Variants in RPS6KA2 observed in about 807,000 individuals in gnomAD.
RPS6KA2 encodes the protein ribosomal protein S6 kinase A2, also known as ribosomal protein S6 kinase alpha-2.
RPS6KA2 carries 42 observed loss-of-function variants against 91.8 expected under a neutral mutation model. That is an observed-to-expected ratio of 0.46 (90% CI 0.36 to 0.59). RPS6KA2 has a LOEUF of 0.59. Among genes scored for constraint, RPS6KA2 ranks in the 20% least tolerant of loss-of-function variants. The probability of loss-of-function intolerance (pLI) is 0.00; values close to 1 mark genes in which losing one functional copy is unlikely to be tolerated. For missense variants in RPS6KA2, 798 were observed against 978.5 expected (o/e 0.82, Z 2.46); for synonymous variants, 414 against 393.6 (o/e 1.05, Z -0.61).
At chr6:166,496,711 G>T (rs1781798405) in intron 8 of RPS6KA2, among the ~76,000 whole-genome samples, 2 of 152,228 alleles carry the variant, frequency 1.3e-5, no homozygotes, top group African/African-American at 4.8e-5. Context: ...TGAGCCCAGA[G>T]TTATAGGACA....
chr6:166,790,158 A>G (rs528409887), intron 2 of RPS6KA2, among the ~76,000 whole-genome samples: 37 of 152,344 alleles, frequency 2.4e-4, no homozygotes, highest in African/African-American at 8.9e-4. Flanking sequence ...CAATGCAGAG[A>G]AGTCCTTAAA....
At chr6:166,553,944 TAC>T (rs1784099464) in intron 1 of RPS6KA2, among the ~76,000 whole-genome samples, 3 of 151,960 alleles carry the variant, frequency 2.0e-5, no homozygotes, top group Non-Finnish European at 4.4e-5. Context: ...TGCTGAAAAA[TAC>T]ACAGTTAGGT....
chr6:166,550,994 C>CAAAAAAAAAAAAAAAAAAAAA (rs58796308), intron 1 of RPS6KA2, among the ~76,000 whole-genome samples: 67 of 106,324 alleles, frequency 6.3e-4, no homozygotes, highest in Middle Eastern at 6.8e-3. Flanking sequence ...GACTCTATCT[C>CAAAAAAAAAAAAAAAAAAAAA]AAAAAAAAAA....
At chr6:166,600,054 C>T (rs1785676679) in intron 1 of RPS6KA2, among the ~76,000 whole-genome samples, 2 of 152,314 alleles carry the variant, frequency 1.3e-5, no homozygotes, top group South Asian at 4.1e-4. Context: ...ATAGCTGAGG[C>T]TGGAGTGCAG....
chr6:166,819,055 G>A (rs1329490491), intron 2 of RPS6KA2, among the ~76,000 whole-genome samples: 3 of 152,112 alleles, frequency 2.0e-5, no homozygotes, highest in South Asian at 2.1e-4. Context: ...ACAGAGCTGG[G>A]AATTTCTGGG....
At position 166,532,196 on chromosome 6, in the gene RPS6KA2, C is replaced by G. The variant is rs1042939745; in HGVS notation, c.217-883G>C. Among the ~76,000 whole-genome samples the G allele has an allele frequency of 2.0e-5, 3 of 152,206 alleles. 1 individual carries two copies. The highest frequency in any genetic ancestry group is 7.2e-5 in the African/African-American group (3 of 41,446). On this transcript the variant is annotated intron_variant, in intron 2 of 20. Coordinates refer to ENST00000265678, the MANE Select transcript of RPS6KA2 (RefSeq NM_021135.6). ...CTCAAAAAGCCAGAAAGACCAGCCA[C>G]TATAGATGTTCTAGTTCCATGGAAA...
intron 2 of RPS6KA2, among the ~76,000 whole-genome samples, chr6:166,835,530 T>C (rs1347187856): frequency 1.3e-5 from 2 of 152,264 alleles, no homozygotes; most frequent in Non-Finnish European, 2.9e-5. Flanking sequence ...TATGTCATTT[T>C]AATTTCAATT....
At chr6:166,521,383 C>A (rs1023658777) in intron 3 of RPS6KA2, among the ~76,000 whole-genome samples, 1 of 152,222 alleles carries the variant, frequency 6.6e-6, no homozygotes, top group Non-Finnish European at 1.5e-5. Context: ...AAAGGCAGGA[C>A]CCCTGCTCCA....
intron 2 of RPS6KA2, among the ~76,000 whole-genome samples, chr6:166,824,772 T>C (rs1406463301): frequency 6.8e-6 from 1 of 146,296 alleles, no homozygotes; most frequent in Non-Finnish European, 1.5e-5. Flanking sequence ...TGTCTGTGTG[T>C]CTACGTGTGT....
At chr6:166,432,229 A>T (rs1199842145) in intron 15 of RPS6KA2, among the ~76,000 whole-genome samples, 172 bp downstream of exon 15, 2 of 152,140 alleles carry the variant, frequency 1.3e-5, no homozygotes, top group African/African-American at 2.4e-5. Flanking sequence ...TGTCAAAAAG[A>T]CTTGAGTACA....
intron 2 of RPS6KA2, among the ~76,000 whole-genome samples, chr6:166,816,380 T>C (rs1210374352): frequency 7.3e-5 from 3 of 41,356 alleles, no homozygotes; most frequent in Non-Finnish European, 1.6e-4. Context: ...ACCCCGTCTC[T>C]ACTAAAAATA....
At chr6:166,541,832 G>A (rs1224548365) in intron 1 of RPS6KA2, among the ~76,000 whole-genome samples, 5 of 152,198 alleles carry the variant, frequency 3.3e-5, no homozygotes, top group African/African-American at 1.2e-4. Context: ...TGTACCTGAA[G>A]TACACACATA....
rs1334111646 is a variant in RPS6KA2 at position 166,554,072 on chromosome 6, T to TA, written c.100-15289_100-15288insT. Among the ~76,000 whole-genome samples, 1 of 152,204 alleles carries TA rather than the reference T, an allele frequency of 6.6e-6. No homozygotes were observed. The highest frequency in any genetic ancestry group is 1.5e-5 in the Non-Finnish European group (1 of 68,034). ...AACCCTGTGTGTGTATCTGTCTATC[T>TA]GTCTGTCCAGGCAAGAACATTTGGA... is the stretch of plus-strand genomic sequence containing the variant. On this transcript the variant is annotated intron_variant, in intron 1 of 20. Transcript: ENST00000265678. The surrounding 1 kb of genome is among the most constrained non-coding windows in gnomAD (Gnocchi z 4.3).
Position 166,563,726 on chromosome 6 carries a change from A to C in RPS6KA2, c.100-24942T>G, listed in dbSNP as rs1461971224. ...TTTAAGCCAATTTAAATATTTCAGC[A>C]ATTGATAAGTAACTCAGCTTTTATG... On this transcript the variant is annotated intron_variant, in intron 1 of 20. Transcript: ENST00000265678. This position sits in a 1 kb window ranked among gnomAD's most constrained non-coding sequence, Gnocchi z 4.1. Among the ~76,000 whole-genome samples, 1 of 152,262 alleles carries C rather than the reference A, an allele frequency of 6.6e-6. No homozygotes were observed. Among genetic ancestry groups the C allele is most frequent in the Non-Finnish European group, 1.5e-5 (1 of 68,050 alleles).
At chr6:166,840,821 G>A (rs1780453709) in intron 2 of RPS6KA2, among the ~76,000 whole-genome samples, 1 of 152,168 alleles carries the variant, frequency 6.6e-6, no homozygotes, top group African/African-American at 2.4e-5. Context: ...AAATTAGCCA[G>A]GTGTGGTGGT....
intron 1 of RPS6KA2, among the ~76,000 whole-genome samples, chr6:166,565,572 C>G (rs1402769367): frequency 6.6e-6 from 1 of 152,248 alleles, no homozygotes; most frequent in African/African-American, 2.4e-5. Flanking sequence ...CAGTGACCGC[C>G]TCACTTGCAG....
chr6:166,532,776 C>G (rs545974673), intron 2 of RPS6KA2, among the ~76,000 whole-genome samples: 1 of 152,270 alleles, frequency 6.6e-6, no homozygotes, highest in Non-Finnish European at 1.5e-5. Flanking sequence ...GGGTTATAGA[C>G]TATACCATCA....
At position 166,445,016 on chromosome 6, in the gene RPS6KA2, G is replaced by A. The variant is rs1309845638; in HGVS notation, c.1332+3708C>T. Among the ~76,000 whole-genome samples, 4 of 152,140 alleles carry A rather than the reference G, an allele frequency of 2.6e-5. No homozygotes were observed. The highest frequency in any genetic ancestry group is 4.1e-4 in the South Asian group (2 of 4,826). Reference sequence around the variant, plus strand: ...CAGTAGAACCTTAAATGTAGTTTACGTTATTCAGGGTAATTATGGTGGCAA... The same window carrying A: ...CAGTAGAACCTTAAATGTAGTTTACATTATTCAGGGTAATTATGGTGGCAA... On this transcript the variant is annotated intron_variant, in intron 14 of 20. Coordinates refer to ENST00000265678, the MANE Select transcript of RPS6KA2 (RefSeq NM_021135.6). The surrounding 1 kb of genome is among the most constrained non-coding windows in gnomAD (Gnocchi z 4.5).
rs1481878551 is a variant in RPS6KA2 at position 166,635,477 on chromosome 6, G to A, written c.124-96693C>T. Among the ~76,000 whole-genome samples, 1 of 152,256 alleles carries A rather than the reference G, an allele frequency of 6.6e-6. No homozygotes were observed. Among genetic ancestry groups the A allele is most frequent in the Non-Finnish European group, 1.5e-5 (1 of 68,038 alleles). ...CTGCTACATTCACAGGCTATGATGA[G>A]CAAGCGCCAGCCAGATACACAGGGA... On this transcript the variant is annotated intron_variant, in intron 2 of 21. Transcript: ENST00000503859. The surrounding 1 kb of genome is among the most constrained non-coding windows in gnomAD (Gnocchi z 4.8).
Sources: allele counts gnomAD v4.1 joint callset (sites outside exome capture counted in the v4.1 genomes callset), GRCh38; gene constraint gnomAD v4.1.1; non-coding constraint Gnocchi (gnomAD v3.1); transcripts MANE v1.5; gene names NCBI Gene and HGNC (gene_info 2026-07-23, HGNC 2026-07-21).